Variants in SNRK observed in about 807,000 individuals in gnomAD.
The protein encoded by SNRK is SNF related kinase.
Under a neutral mutation model 48.2 loss-of-function variants are expected in SNRK, and 3 were observed. That is an observed-to-expected ratio of 0.06 (90% confidence interval 0.03 to 0.16). The LOEUF (loss-of-function observed/expected upper bound fraction) is 0.16. SNRK is among the 10% of genes least tolerant of loss of function. The pLI, the probability that SNRK is intolerant of heterozygous loss-of-function variation, is 1.00. For missense variants in SNRK, 627 were observed against 976.0 expected, an observed-to-expected ratio of 0.64 and a Z score of 4.76; for synonymous variants, 376 against 366.1, an observed-to-expected ratio of 1.03 and a Z score of -0.31.
intron 4 of SNRK, among the ~76,000 whole-genome samples, chr3:43,336,011 G>C (rs1023147654): frequency 3.3e-5 from 5 of 151,744 alleles, no homozygotes; most frequent in African/African-American, 1.2e-4. Flanking sequence ...GATCATTTTT[G>C]TGTTTTAAAT....
chr3:43,296,619 G>T (rs1288921347), intron 1 of SNRK, among the ~76,000 whole-genome samples: 2 of 151,870 alleles, frequency 1.3e-5, no homozygotes, highest in Non-Finnish European at 2.9e-5. Context: ...GTTCACAGTG[G>T]TATCCAGGCA....
At chr3:43,319,593 C>CAG (rs530749928) in intron 3 of SNRK, among the ~76,000 whole-genome samples, 50 of 152,346 alleles carry the variant, frequency 3.3e-4, no homozygotes, top group African/African-American at 1.2e-3. Context: ...TGCCTCACTC[C>CAG]AGATGGCTCA....
Position 43,348,711 on chromosome 3 carries a change from A to C in SNRK, c.*154A>C, listed in dbSNP as rs1575565738. Reference sequence around the variant, plus strand: ...TGTTCGCCTGATGATGTGACAATGCATGGTCTTTGTGCATGCTGCTAGACA... The same window carrying C: ...TGTTCGCCTGATGATGTGACAATGCCTGGTCTTTGTGCATGCTGCTAGACA... On this transcript the variant is annotated 3_prime_UTR_variant, in exon 7 of 7. Coordinates refer to ENST00000296088, the MANE Select transcript of SNRK (RefSeq NM_017719.5). 1.3e-6 allele frequency: 1 copy of C among 770,752 alleles called. No homozygotes were observed. Among genetic ancestry groups the C allele is most frequent in the East Asian group, 3.1e-5 (1 of 32,612 alleles). The allele number at this position is 770,752 out of a possible 1,614,324, so 47.7% of individuals were successfully genotyped here. A position where few individuals can be genotyped will look rare whatever the true frequency, so the allele number is the denominator to read the frequency against.
intron 5 of SNRK, among the ~76,000 whole-genome samples, chr3:43,342,965 T>C (rs192204111): frequency 7.9e-5 from 12 of 152,370 alleles, no homozygotes; most frequent in Admixed American, 2.6e-4. Context: ...TTCGTCTTCA[T>C]GTACTTCTAG....
intron 3 of SNRK, among the ~76,000 whole-genome samples, chr3:43,326,574 A>T (rs2091098372): frequency 6.6e-6 from 1 of 152,066 alleles, no homozygotes; most frequent in Non-Finnish European, 1.5e-5. Context: ...CAGGTTTCTG[A>T]GTTGGAGGGC....
chr3:43,294,327 A>G (rs2090835660), intron 1 of SNRK, among the ~76,000 whole-genome samples: 1 of 152,180 alleles, frequency 6.6e-6, no homozygotes, highest in South Asian at 2.1e-4. Flanking sequence ...ATACATAATG[A>G]TGGGACCCAA....
chr3:43,296,223 CCTTTA>C (rs2090851740), intron 1 of SNRK, among the ~76,000 whole-genome samples: 1 of 151,564 alleles, frequency 6.6e-6, no homozygotes, highest in African/African-American at 2.4e-5. Flanking sequence ...AGTGTTAATT[CCTTTA>C]CTTAAGTTGG....
chr3:43,334,427 C>T (rs533550246), intron 4 of SNRK, among the ~76,000 whole-genome samples: 1 of 151,750 alleles, frequency 6.6e-6, no homozygotes, highest in East Asian at 1.9e-4. Flanking sequence ...CACCACTGCA[C>T]TCCAGTCTGG....
intron 1 of SNRK, among the ~76,000 whole-genome samples, chr3:43,288,206 T>C (rs558308816): frequency 3.0e-4 from 45 of 152,224 alleles, no homozygotes; most frequent in Non-Finnish European, 5.3e-4. Context: ...TGAAGGCTTT[T>C]CAGGCAGGAA....
Position 43,347,083 on chromosome 3 carries a change from C to T in SNRK, c.1080-256C>T. Reference sequence around the variant, plus strand: ...ATAGAAAAGATGGAGTAGCTCTTTGCCCTATTTTCTTTTCTGACACCTGTG... The same window carrying T: ...ATAGAAAAGATGGAGTAGCTCTTTGTCCTATTTTCTTTTCTGACACCTGTG... On this transcript the variant is annotated intron_variant, in intron 6 of 6. Transcript: ENST00000296088. The surrounding 1 kb of genome is among the most constrained non-coding windows in gnomAD (Gnocchi z 5.4). 2 of 409,646 alleles carry T rather than the reference C, an allele frequency of 4.9e-6. No individual in the cohort carries two copies. The highest frequency in any genetic ancestry group is 1.2e-4 in the South Asian group (2 of 16,342). The allele number at this position is 409,646 out of a possible 1,614,324, so 25.4% of individuals were successfully genotyped here.
At chr3:43,329,140 A>T (rs2091126050) in intron 3 of SNRK, among the ~76,000 whole-genome samples, 1 of 152,158 alleles carries the variant, frequency 6.6e-6, no homozygotes, top group Admixed American at 6.5e-5. Flanking sequence ...GGCCCTTGGG[A>T]TGAAAAAGTA....
intron 1 of SNRK, among the ~76,000 whole-genome samples, chr3:43,295,193 T>C (rs1425756175): frequency 6.6e-6 from 1 of 152,244 alleles, no homozygotes; most frequent in East Asian, 1.9e-4. Context: ...TACTAAGTAC[T>C]GTACATCAGT....
chr3:43,333,519 G>A (rs1041630420), intron 4 of SNRK: 4 of 151,944 alleles, frequency 2.6e-5, no homozygotes, highest in Admixed American at 1.3e-4. Context: ...CTCTTAGCTC[G>A]GTCCTTAGCA....
intron 6 of SNRK, among the ~76,000 whole-genome samples, chr3:43,346,296 AG>A: frequency 6.6e-6 from 1 of 152,378 alleles, no homozygotes; most frequent in Admixed American, 6.5e-5. Flanking sequence ...GCACATAGCA[AG>A]TCTAGTAGAT....
At chr3:43,338,516 A>G (rs1050711509) in intron 4 of SNRK, among the ~76,000 whole-genome samples, 2 of 152,122 alleles carry the variant, frequency 1.3e-5, no homozygotes, top group Admixed American at 6.5e-5. Context: ...AAGATTTTCT[A>G]TTTATTGTGC....
intron 3 of SNRK, among the ~76,000 whole-genome samples, chr3:43,317,983 G>A (rs2091025904): frequency 1.3e-5 from 2 of 152,178 alleles, no homozygotes; most frequent in African/African-American, 4.8e-5. Context: ...TCCATCAGAT[G>A]TCACTGTCTC....
chr3:43,339,813 T>G, intron 4 of SNRK, among the ~76,000 whole-genome samples: 1 of 90,878 alleles, frequency 1.1e-5, no homozygotes. Flanking sequence ...GGACTCCATT[T>G]CCAAAATATA....
chr3:43,348,673 T>C lies in SNRK; in HGVS notation c.*116T>C. The C allele has an allele frequency of 9.8e-6, 11 of 1,117,130 alleles. No individual in the cohort carries two copies. The highest frequency in any genetic ancestry group is 1.3e-5 in the Non-Finnish European group (11 of 844,916). 69.2% of individuals were successfully genotyped at this position (1,117,130 alleles called of 1,614,324 possible). On this transcript the variant is annotated 3_prime_UTR_variant, in exon 7 of 7. Coordinates refer to ENST00000296088, the MANE Select transcript of SNRK (RefSeq NM_017719.5). Reference sequence around the variant, plus strand: ...AGTGGGCGTTAGGAGCAATTATTTATTACCTTTCCATTTGTTCGCCTGATG... The same window carrying C: ...AGTGGGCGTTAGGAGCAATTATTTACTACCTTTCCATTTGTTCGCCTGATG...
At chr3:43,344,636 C>G (rs991528077) in intron 6 of SNRK, among the ~76,000 whole-genome samples, 4 of 152,030 alleles carry the variant, frequency 2.6e-5, no homozygotes, top group African/African-American at 9.7e-5. Context: ...AATTTAGTAA[C>G]TTTATTCATA....
Sources: gnomAD v4.1 joint callset for allele counts (sites outside exome capture counted in the v4.1 genomes callset) on GRCh38, gnomAD v4.1.1 for gene constraint, Gnocchi (gnomAD v3.1) non-coding constraint, MANE v1.5 for transcripts, NCBI Gene and HGNC (gene_info 2026-07-23, HGNC 2026-07-21) for gene names.